The following SEZ6L variants were observed in gnomAD, a reference collection of about 807,000 sequenced individuals.
SEZ6L encodes seizure 6-like protein.
SEZ6L carries 37 observed loss-of-function variants against 106.2 expected under a neutral mutation model. The observed-to-expected ratio is 0.35, with a 90% CI of 0.27 to 0.46. SEZ6L has a LOEUF of 0.46. SEZ6L is among the 20% of genes least tolerant of loss of function. SEZ6L has a pLI of 1.00. For synonymous variants in SEZ6L, 541 were observed against 570.4 expected (o/e 0.95, Z 0.73); for missense variants, 1,172 against 1,332.8 (o/e 0.88, Z 1.88).
intron 4 of SEZ6L, 64 bp downstream of exon 4, chr22:26,297,144 AT>A: frequency 1.4e-6 from 2 of 1,390,362 alleles, no homozygotes; most frequent in South Asian, 3.2e-5. Flanking sequence ...GGAGAAAAGG[AT>A]TTTAAAACTT....
In SEZ6L at chr22:26,382,419, A is replaced by G. The variant is rs1414090669; in HGVS notation, c.*2124A>G. On this transcript the variant is annotated 3_prime_UTR_variant, in exon 17 of 17. Transcript: ENST00000248933. ...ACATTTGCCTTTTATAAAGACTGACAAAATATAAATCTTTATTCTAACCCT... is the reference window on the plus strand; with the variant it reads ...ACATTTGCCTTTTATAAAGACTGACGAAATATAAATCTTTATTCTAACCCT... 6.4e-6 allele frequency: 1 copy of G among 155,532 alleles called. No individual in the cohort carries two copies. The highest frequency in any genetic ancestry group is 2.4e-5 in the African/African-American group (1 of 41,538). The allele number at this position is 155,532 out of a possible 1,614,324, so 9.6% of individuals were successfully genotyped here.
intron 1 of SEZ6L, among the ~76,000 whole-genome samples, chr22:26,232,743 A>C (rs577437497): frequency 6.6e-6 from 1 of 152,308 alleles, no homozygotes; most frequent in East Asian, 1.9e-4. Flanking sequence ...GCACTCTCTC[A>C]TGGTCACACA....
At chr22:26,342,309 C>G (rs1287773695) in intron 10 of SEZ6L, among the ~76,000 whole-genome samples, 2 of 152,150 alleles carry the variant, frequency 1.3e-5, no homozygotes, top group Non-Finnish European at 2.9e-5. Flanking sequence ...TCCTACCCAG[C>G]CCTCTGCCAC....
At chr22:26,310,543 A>G in intron 6 of SEZ6L, 127 bp from the exon 7 acceptor site, 2 of 1,030,178 alleles carry the variant, frequency 1.9e-6, no homozygotes, top group Non-Finnish European at 2.8e-6. Flanking sequence ...TCAAAAAAAA[A>G]GAGGCAGAGT....
At chr22:26,242,946 A>AC (rs2079187986) in intron 1 of SEZ6L, 1 of 152,178 alleles carries the variant, frequency 6.6e-6, no homozygotes, top group African/African-American at 2.4e-5. Flanking sequence ...AGAGTCTGAA[A>AC]CCAAGGTATC....
At chr22:26,172,683 C>T (rs1208866234) in intron 1 of SEZ6L, among the ~76,000 whole-genome samples, 1 of 152,198 alleles carries the variant, frequency 6.6e-6, no homozygotes, top group Non-Finnish European at 1.5e-5. Context: ...CAGAATGGAG[C>T]TCCTCTCAGC....
At chr22:26,345,679 G>A (rs576686011) in intron 10 of SEZ6L, among the ~76,000 whole-genome samples, 2 of 152,188 alleles carry the variant, frequency 1.3e-5, no homozygotes, top group South Asian at 2.1e-4. Context: ...ATGAAATCCC[G>A]GGAAAAGCCA....
intron 1 of SEZ6L, among the ~76,000 whole-genome samples, chr22:26,206,889 A>C (rs566106399): frequency 6.6e-6 from 1 of 152,320 alleles, no homozygotes; most frequent in African/African-American, 2.4e-5. Flanking sequence ...CTTAAAGCTA[A>C]TCTTCTAGGC....
chr22:26,334,150 A>G (rs888170481), intron 9 of SEZ6L, among the ~76,000 whole-genome samples: 7 of 152,326 alleles, frequency 4.6e-5, no homozygotes, highest in South Asian at 4.2e-4. Context: ...AGTCATTTTA[A>G]CATATACAAT....
At chr22:26,208,846 CTCTCTGTG>C (rs1422723746) in intron 1 of SEZ6L, among the ~76,000 whole-genome samples, 2,823 of 117,286 alleles carry the variant, frequency 0.024, 28 homozygotes, top group African/African-American at 0.045. Flanking sequence ...TCTTGACTCT[CTCTCTGTG>C]TGTGTGTGTG....
At chr22:26,206,360 A>T (rs1482062131) in intron 1 of SEZ6L, among the ~76,000 whole-genome samples, 1 of 152,216 alleles carries the variant, frequency 6.6e-6, no homozygotes, top group African/African-American at 2.4e-5. Context: ...AGAGTTCTGC[A>T]TAGTATATAA....
rs1030589047 is a variant in SEZ6L, at chr22:26,361,516, A to G, written c.2600-3856A>G. On this transcript the variant is annotated intron_variant, in intron 12 of 16. Transcript: ENST00000248933. ...AGTGAGACTCTGTCTCAAAAAAAAA[A>G]AAAAATATATATATATATATATGTA... is the stretch of plus-strand genomic sequence containing the variant. 4.4e-5 allele frequency among the ~76,000 whole-genome samples: 6 copies of G among 136,958 alleles called. No homozygotes were observed. The Admixed American group carries it at 4.5e-4, about 10-fold the overall frequency. 89.8% of individuals were successfully genotyped at this position (136,958 alleles called of 152,430 possible). A position where few individuals can be genotyped will look rare whatever the true frequency, so the allele number is the denominator to read the frequency against.
chr22:26,197,476 C>T (rs759245411), intron 1 of SEZ6L, among the ~76,000 whole-genome samples: 96 of 152,244 alleles, frequency 6.3e-4, no homozygotes, highest in Non-Finnish European at 1.1e-3. Context: ...TGTCATCCTT[C>T]CCAGGAGGAG....
intron 1 of SEZ6L, among the ~76,000 whole-genome samples, chr22:26,275,868 G>T (rs749806734): frequency 2.0e-5 from 3 of 152,208 alleles, no homozygotes; most frequent in Non-Finnish European, 4.4e-5. Context: ...AGCTGGAGCA[G>T]ATCCCCTGCT....
chr22:26,316,555 G>A (rs1048672158), intron 9 of SEZ6L, among the ~76,000 whole-genome samples: 2 of 152,148 alleles, frequency 1.3e-5, no homozygotes, highest in African/African-American at 4.8e-5. Flanking sequence ...GTCCTGGCCA[G>A]GCATGGTGGC....
intron 1 of SEZ6L, among the ~76,000 whole-genome samples, chr22:26,233,275 C>A (rs186691920): frequency 1.3e-5 from 2 of 152,326 alleles, no homozygotes; most frequent in East Asian, 3.9e-4. Context: ...CCTCATGCGG[C>A]GCCTCTTCCT....
chr22:26,348,695 A>G (rs188058008), intron 11 of SEZ6L, among the ~76,000 whole-genome samples: 603 of 55,590 alleles, frequency 0.011, 12 homozygotes, highest in South Asian at 0.019. Context: ...AGAAAGAAAG[A>G]AAGAAAGAAG....
chr22:26,266,560 G>A (rs896211618), intron 1 of SEZ6L, among the ~76,000 whole-genome samples: 18 of 150,666 alleles, frequency 1.2e-4, no homozygotes, highest in African/African-American at 4.2e-4. Context: ...GCAAAAGAGC[G>A]AGACTCCGTC....
chr22:26,283,348 A>G (rs2080833392), intron 1 of SEZ6L, among the ~76,000 whole-genome samples: 1 of 152,346 alleles, frequency 6.6e-6, no homozygotes, highest in Middle Eastern at 3.4e-3. Context: ...AATCAATAGG[A>G]GACTGGTTCA....
Sources: gnomAD v4.1 joint callset for allele counts (sites outside exome capture counted in the v4.1 genomes callset) on GRCh38, gnomAD v4.1.1 for gene constraint, MANE v1.5 for transcripts, NCBI Gene and HGNC (gene_info 2026-07-23, HGNC 2026-07-21) for gene names.